TIMP2: variants seen among roughly 807,000 people sequenced by gnomAD.
The protein encoded by TIMP2 is TIMP metallopeptidase inhibitor 2, also known as metalloproteinase inhibitor 2.
In TIMP2, 5 loss-of-function variants were observed where a neutral mutation model predicts 24.3. The ratio of observed to expected loss-of-function variants is 0.21; its 90% CI spans 0.11 to 0.43. The LOEUF is 0.43. Among genes scored for constraint, TIMP2 ranks in the 20% least tolerant of loss-of-function variants. The pLI is 1.00. For synonymous variants in TIMP2, 130 were observed against 123.2 expected, an observed-to-expected ratio of 1.06 and a Z score of -0.37; for missense variants, 221 against 297.5, an observed-to-expected ratio of 0.74 and a Z score of 1.89.
At chr17:78,894,021 G>A (rs941639114) in intron 1 of TIMP2, among the ~76,000 whole-genome samples, 1 of 152,154 alleles carries the variant, frequency 6.6e-6, no homozygotes, top group African/African-American at 2.4e-5. Flanking sequence ...GTGGAACCAG[G>A]CTAAGCCTTT....
intron 1 of TIMP2, among the ~76,000 whole-genome samples, chr17:78,877,772 T>C (rs562937163): frequency 5.9e-5 from 9 of 151,650 alleles, no homozygotes; most frequent in African/African-American, 1.9e-4. Flanking sequence ...GGTGCAATCT[T>C]GGCCCACTGC....
At chr17:78,870,569 G>A (rs929327137) in intron 3 of TIMP2, among the ~76,000 whole-genome samples, 3 of 152,146 alleles carry the variant, frequency 2.0e-5, no homozygotes, top group Non-Finnish European at 4.4e-5. Context: ...GATGTTACGC[G>A]AGCTTTTGGC....
chr17:78,900,873 TGGGCCACCAGAA>T (rs1409245726), intron 1 of TIMP2: 2 of 152,246 alleles, frequency 1.3e-5, no homozygotes, highest in Non-Finnish European at 2.9e-5. Flanking sequence ...CAAAAGACGC[TGGGCCACCAGAA>T]GGGCCAACGT....
intron 3 of TIMP2, among the ~76,000 whole-genome samples, chr17:78,867,754 C>G (rs2069630833): frequency 1.3e-5 from 2 of 151,938 alleles, no homozygotes. Context: ...CGCCACCACG[C>G]CCGGCTAATT....
At chr17:78,888,351 C>T (rs2069845553) in intron 1 of TIMP2, among the ~76,000 whole-genome samples, 1 of 151,860 alleles carries the variant, frequency 6.6e-6, no homozygotes. Flanking sequence ...GTAGAGACAG[C>T]GTTTCACAGT....
intron 1 of TIMP2, among the ~76,000 whole-genome samples, chr17:78,878,872 C>T (rs11870525): frequency 0.016 from 2,380 of 152,256 alleles, 66 homozygotes; most frequent in African/African-American, 0.055. Flanking sequence ...TGGGCACCTC[C>T]TCCCCCACTT....
intron 1 of TIMP2, among the ~76,000 whole-genome samples, chr17:78,892,949 A>G (rs2069924594): frequency 6.6e-6 from 1 of 152,086 alleles, no homozygotes; most frequent in South Asian, 2.1e-4. Flanking sequence ...GGAAACAAAT[A>G]TTGAGAAGAG....
At chr17:78,859,957 A>G (rs1316556172) in intron 3 of TIMP2, among the ~76,000 whole-genome samples, 1 of 152,178 alleles carries the variant, frequency 6.6e-6, no homozygotes, top group East Asian at 1.9e-4. Flanking sequence ...ATGCCACTAC[A>G]TTCCAGCCTC....
intron 1 of TIMP2, among the ~76,000 whole-genome samples, chr17:78,883,725 C>T (rs1033714039): frequency 3.3e-5 from 5 of 152,158 alleles, no homozygotes; most frequent in Admixed American, 2.6e-4. Flanking sequence ...CCTGCCCATT[C>T]GTTTTGGCTC....
At chr17:78,909,320 A>C (rs1489272077) in intron 1 of TIMP2, among the ~76,000 whole-genome samples, 1 of 151,572 alleles carries the variant, frequency 6.6e-6, no homozygotes, top group Non-Finnish European at 1.5e-5. Flanking sequence ...ACGCCACTGC[A>C]CTCCAGCCTG....
rs567002233 is a variant in TIMP2 at position 78,881,553 on chromosome 17, G to A, written c.131-7634C>T. On this transcript the variant is annotated intron_variant, in intron 1 of 4. Transcript: ENST00000262768. ...CTCCACACTGCGTAGACGCAAACGC[G>A]GTAACTGCAGGCCGGAGCCGCAGAC... Among the ~76,000 whole-genome samples the A allele has an allele frequency of 5.9e-5, 9 of 152,384 alleles. No homozygotes were observed. The East Asian group carries it at 1.7e-3, about 29-fold the overall frequency.
chr17:78,873,885 C>T lies in TIMP2; in HGVS notation c.165G>A (p.Val55=). The part of the protein sequence containing the change: ...IRAKAVSEKE[V]DSGNDIYGNP... ...TGCCATAAATGTCGTTTCCAGAGTCCACTTCCTTCTCACTGACCGCTTTGG... is the reference window on the plus strand; with the variant it reads ...TGCCATAAATGTCGTTTCCAGAGTCTACTTCCTTCTCACTGACCGCTTTGG... Residue 55 remains valine (V), a synonymous_variant, in exon 2 of 5, where the codon GTG becomes GTA. Transcript: ENST00000262768. 2 of 1,613,492 alleles carry T rather than the reference C, an allele frequency of 1.2e-6. No homozygotes were observed. Among genetic ancestry groups the T allele is most frequent in the Non-Finnish European group, 1.7e-6 (2 of 1,180,000 alleles).
At chr17:78,922,180 T>C (rs1255403123) in intron 1 of TIMP2, 1 of 152,226 alleles carries the variant, frequency 6.6e-6, no homozygotes, top group Non-Finnish European at 1.5e-5. Flanking sequence ...TGAGCCAGAA[T>C]GGGGAACCAT....
chr17:78,882,195 CTCCTGACCTCACGTGA>C (rs1243764284), intron 1 of TIMP2, among the ~76,000 whole-genome samples: 4 of 152,336 alleles, frequency 2.6e-5, no homozygotes, highest in African/African-American at 7.2e-5. Context: ...TGGTCTTGAA[CTCCTGACCTCACGTGA>C]TCCACCCATC....
chr17:78,911,487 G>A lies in TIMP2; in HGVS notation c.130+13472C>T, dbSNP rs112166306. Among the ~76,000 whole-genome samples, 464 of 152,196 alleles carry A rather than the reference G, an allele frequency of 3.0e-3. 1 individual carries two copies. Among genetic ancestry groups the A allele is most frequent in the Non-Finnish European group, 5.7e-3 (388 of 68,012 alleles). On this transcript the variant is annotated intron_variant, in intron 1 of 4. Transcript: ENST00000262768. ...ACTCTGTCACCCACGCTGGAGTGCA[G>A]TGGCGTGATCTCAGCTCACTGCAAC... is the stretch of plus-strand genomic sequence containing the variant.
At chr17:78,888,869 C>A (rs1297170124) in intron 1 of TIMP2, among the ~76,000 whole-genome samples, 2 of 152,148 alleles carry the variant, frequency 1.3e-5, no homozygotes, top group African/African-American at 4.8e-5. Context: ...ACAAAATATA[C>A]ATAAGTAAGG....
At chr17:78,882,813 A>G (rs1043864062) in intron 1 of TIMP2, among the ~76,000 whole-genome samples, 1 of 152,208 alleles carries the variant, frequency 6.6e-6, no homozygotes, top group Non-Finnish European at 1.5e-5. Context: ...AAGTGTCACA[A>G]GTGTTGTGAG....
chr17:78,869,229 T>G (rs1396675057), intron 3 of TIMP2, among the ~76,000 whole-genome samples: 1 of 152,044 alleles, frequency 6.6e-6, no homozygotes, highest in Non-Finnish European at 1.5e-5. Context: ...AAGACCAGCC[T>G]GGGCAACATG....
At chr17:78,895,662 A>T (rs995769099) in intron 1 of TIMP2, among the ~76,000 whole-genome samples, 1 of 152,218 alleles carries the variant, frequency 6.6e-6, no homozygotes, top group Non-Finnish European at 1.5e-5. Flanking sequence ...TGAGTCCACA[A>T]AAAGAAACCA....
Sources: gnomAD v4.1 joint callset for allele counts (sites outside exome capture counted in the v4.1 genomes callset) on GRCh38, gnomAD v4.1.1 for gene constraint, MANE v1.5 for transcripts, NCBI Gene and HGNC (gene_info 2026-07-23, HGNC 2026-07-21) for gene names.